The following HNRNPC variants were observed in gnomAD, a reference collection of about 807,000 sequenced individuals.
HNRNPC encodes heterogeneous nuclear ribonucleoproteins C1/C2.
Under a neutral mutation model 33.2 loss-of-function variants are expected in HNRNPC, and 3 were observed. The ratio of observed to expected loss-of-function variants is 0.09; its 90% CI spans 0.04 to 0.23. HNRNPC has a LOEUF of 0.23. Ranked by LOEUF, HNRNPC falls within the 10% of genes least tolerant of loss-of-function variation. HNRNPC has a pLI of 1.00. For synonymous variants in HNRNPC, 121 were observed against 126.7 expected, an observed-to-expected ratio of 0.96 and a Z score of 0.30; for missense variants, 143 against 366.7, an observed-to-expected ratio of 0.39 and a Z score of 4.98.
At chr14:21,262,710 T>TGAG (rs1377218530) in intron 2 of HNRNPC, 2 of 152,144 alleles carry the variant, frequency 1.3e-5, no homozygotes, top group African/African-American at 4.8e-5. Context: ...TTGTGGTTTG[T>TGAG]GAGGGGTAGT....
At chr14:21,267,023 G>A (rs1049874327) in intron 1 of HNRNPC, among the ~76,000 whole-genome samples, 7 of 150,912 alleles carry the variant, frequency 4.6e-5, no homozygotes, top group Admixed American at 3.3e-4. Context: ...CCCGGGAGGC[G>A]GAGGTTGCAG....
intron 5 of HNRNPC, among the ~76,000 whole-genome samples, chr14:21,222,843 G>A (rs1892984954): frequency 6.6e-6 from 1 of 151,932 alleles, no homozygotes; most frequent in Non-Finnish European, 1.5e-5. Context: ...GCAGTGAGCC[G>A]AGATCACGCC....
At chr14:21,251,967 T>A (rs1896728585) in intron 2 of HNRNPC, among the ~76,000 whole-genome samples, 1 of 152,196 alleles carries the variant, frequency 6.6e-6, no homozygotes, top group African/African-American at 2.4e-5. Context: ...AATAATAACC[T>A]AGCAGCCCAG....
At chr14:21,217,152 T>A (rs1351287880) in intron 5 of HNRNPC, among the ~76,000 whole-genome samples, 1 of 152,242 alleles carries the variant, frequency 6.6e-6, no homozygotes, top group Non-Finnish European at 1.5e-5. Context: ...AGAAATGGAC[T>A]CTCATTCACA....
chr14:21,225,513 G>A (rs2139581487), intron 5 of HNRNPC, among the ~76,000 whole-genome samples: 1 of 152,032 alleles, frequency 6.6e-6, no homozygotes, highest in East Asian at 1.9e-4. Flanking sequence ...ATGAAGGCTA[G>A]CAAGATGTCC....
At chr14:21,229,991 C>T (rs192761546) in intron 5 of HNRNPC, among the ~76,000 whole-genome samples, 17 of 152,260 alleles carry the variant, frequency 1.1e-4, no homozygotes, top group Admixed American at 1.0e-3. Context: ...ATCCTATTTC[C>T]TGTTAAGCAT....
chr14:21,223,436 A>G (rs1893065795), intron 5 of HNRNPC, among the ~76,000 whole-genome samples: 1 of 152,132 alleles, frequency 6.6e-6, no homozygotes, highest in Non-Finnish European at 1.5e-5. Flanking sequence ...AAGGAATACT[A>G]AGAAATAAAT....
At chr14:21,249,593 C>CAAAAAAAAAAA (rs756880620) in intron 2 of HNRNPC, among the ~76,000 whole-genome samples, 70 of 83,342 alleles carry the variant, frequency 8.4e-4, no homozygotes, top group African/African-American at 1.5e-3. Flanking sequence ...GTCTCAAAAA[C>CAAAAAAAAAAA]AAAAAAAAAA....
At chr14:21,231,252 G>T in intron 3 of HNRNPC, 180 bp from the exon 4 acceptor site, 1 of 686,722 alleles carries the variant, frequency 1.5e-6, no homozygotes, top group Non-Finnish European at 2.6e-6. Flanking sequence ...TCCTGCCTCA[G>T]CCTCGAGAGT....
At chr14:21,250,149 A>C (rs1477947691) in intron 2 of HNRNPC, among the ~76,000 whole-genome samples, 1 of 152,008 alleles carries the variant, frequency 6.6e-6, no homozygotes, top group Non-Finnish European at 1.5e-5. Context: ...GCTACTCGGG[A>C]GGCCAAGGCA....
chr14:21,245,125 G>A (rs562903673), intron 2 of HNRNPC, among the ~76,000 whole-genome samples: 1 of 150,386 alleles, frequency 6.6e-6, no homozygotes, highest in Admixed American at 6.6e-5. Flanking sequence ...GAAAACAAGG[G>A]CTGAGTCTAA....
At chr14:21,246,113 C>T (rs1009912299) in intron 2 of HNRNPC, among the ~76,000 whole-genome samples, 4 of 152,064 alleles carry the variant, frequency 2.6e-5, no homozygotes, top group African/African-American at 9.7e-5. Context: ...CGTGAACCAC[C>T]ACACCTGGCC....
intron 2 of HNRNPC, among the ~76,000 whole-genome samples, chr14:21,257,320 CACTCCAACAGAAAG>C: frequency 6.6e-6 from 1 of 151,926 alleles, no homozygotes; most frequent in East Asian, 1.9e-4. Context: ...AACCATGGGG[CACTCCAACAGAAAG>C]AAGTTTAACA....
At chr14:21,217,392 T>A (rs1197907075) in intron 5 of HNRNPC, among the ~76,000 whole-genome samples, 1 of 152,214 alleles carries the variant, frequency 6.6e-6, no homozygotes, top group East Asian at 1.9e-4. Flanking sequence ...ATTTAAAATA[T>A]AAAACGACTA....
chr14:21,268,857 G>A (rs1315084280), intron 1 of HNRNPC, among the ~76,000 whole-genome samples: 3 of 152,074 alleles, frequency 2.0e-5, no homozygotes, highest in African/African-American at 7.2e-5. Context: ...CACGATCCAG[G>A]ATTTAAAGGC....
intron 5 of HNRNPC, among the ~76,000 whole-genome samples, chr14:21,227,875 A>G (rs1484739976): frequency 6.6e-6 from 1 of 152,250 alleles, no homozygotes; most frequent in Non-Finnish European, 1.5e-5. Context: ...TATACCAACA[A>G]AAGTGTGAGT....
intron 2 of HNRNPC, among the ~76,000 whole-genome samples, chr14:21,243,547 T>C (rs2139732265): frequency 6.6e-6 from 1 of 152,354 alleles, no homozygotes; most frequent in East Asian, 1.9e-4. Flanking sequence ...TCTTTTTTTC[T>C]GTCAAATCTG....
At position 21,265,315 on chromosome 14, in the gene HNRNPC, A is replaced by G. The variant is rs527471944; in HGVS notation, c.-62-1979T>C. 7 of 152,320 alleles carry G rather than the reference A, an allele frequency of 4.6e-5. No homozygotes were observed. In the South Asian group the frequency reaches 8.3e-4, roughly 18 times the overall value. The allele number at this position is 152,320 out of a possible 1,614,324, so 9.4% of individuals were successfully genotyped here. A position where few individuals can be genotyped will look rare whatever the true frequency, so the allele number is the denominator to read the frequency against. On this transcript the variant is annotated intron_variant, in intron 1 of 8. Transcript: ENST00000553300. ...ACCTGGTAATCAATTTTCAAGATAC[A>G]TAACTTTATAGCTCAACCACAACCA...
intron 5 of HNRNPC, among the ~76,000 whole-genome samples, chr14:21,220,228 T>TC (rs1158015525): frequency 3.4e-5 from 5 of 147,942 alleles, no homozygotes; most frequent in African/African-American, 1.2e-4. Flanking sequence ...TCTGAGGCCA[T>TC]CTATTTCTGG....
Sources: gnomAD v4.1 joint callset for allele counts (sites outside exome capture counted in the v4.1 genomes callset) on GRCh38, gnomAD v4.1.1 for gene constraint, MANE v1.5 for transcripts, NCBI Gene and HGNC (gene_info 2026-07-23, HGNC 2026-07-21) for gene names.